The following DUSP15 variants were observed in gnomAD, a reference collection of about 807,000 sequenced individuals.
The protein encoded by DUSP15 is dual specificity phosphatase 15.
In DUSP15, 23 loss-of-function variants were observed where a neutral mutation model predicts 26.3. That is an observed-to-expected ratio of 0.87 (90% CI 0.63 to 1.24). DUSP15 has a LOEUF of 1.24. Ranked by LOEUF, DUSP15 falls within the 50% of genes most tolerant of loss-of-function variation. The pLI, the probability that DUSP15 is intolerant of heterozygous loss-of-function variation, is 0.00. For synonymous variants in DUSP15, 143 were observed against 135.5 expected, an observed-to-expected ratio of 1.06 and a Z score of -0.39; for missense variants, 364 against 320.6, an observed-to-expected ratio of 1.14 and a Z score of -1.03.
downstream of DUSP15, among the ~76,000 whole-genome samples, chr20:31,859,380 C>T (rs1039940253): frequency 2.0e-5 from 3 of 152,120 alleles, no homozygotes; most frequent in Admixed American, 6.5e-5. Context: ...TCAGATTGCT[C>T]CACTCCTTGC....
downstream of DUSP15, among the ~76,000 whole-genome samples, chr20:31,846,530 G>T (rs750039382): frequency 4.6e-5 from 7 of 151,522 alleles, no homozygotes; most frequent in Non-Finnish European, 1.0e-4. Context: ...AAGCCCCAGG[G>T]GCTTCTCTAA....
chr20:31,868,856 G>A (rs150765449), intron 2 of DUSP15, among the ~76,000 whole-genome samples: 1,587 of 152,306 alleles, frequency 0.01, 30 homozygotes, highest in Non-Finnish European at 0.014. Context: ...CACCAGCCTG[G>A]AAGCCCCTGA....
chr20:31,864,599 C>A, intron 4 of DUSP15: 1 of 394,976 alleles, frequency 2.5e-6, no homozygotes, highest in Non-Finnish European at 3.4e-6. Flanking sequence ...TGTTCAAGGT[C>A]ACACAGCAAG....
In DUSP15 at chr20:31,870,218, G is replaced by T; in HGVS notation, c.21+99C>A. ...GAGATGCCGCCGCACGGAGACCGGC[G>T]AGAACAGAAGGTCAGAGGCGGGCGG... On this transcript the variant is annotated intron_variant, in intron 1 of 6. Coordinates refer to ENST00000339738, the MANE Select transcript of DUSP15 (RefSeq NM_080611.5). This position sits in a 1 kb window ranked among gnomAD's most constrained non-coding sequence, Gnocchi z 6.6. 8.2e-7 allele frequency: 1 copy of T among 1,226,430 alleles called. No homozygotes were observed. Among genetic ancestry groups the T allele is most frequent in the South Asian group, 4.2e-5 (1 of 24,014 alleles). The allele number at this position is 1,226,430 out of a possible 1,614,324, so 76.0% of individuals were successfully genotyped here. A position where few individuals can be genotyped will look rare whatever the true frequency, so the allele number is the denominator to read the frequency against.
chr20:31,855,694 C>T (rs2062549639), intron 6 of DUSP15, among the ~76,000 whole-genome samples: 1 of 152,186 alleles, frequency 6.6e-6, no homozygotes, highest in Admixed American at 6.5e-5. Flanking sequence ...GGCCATGCAA[C>T]CACCCATTCA....
At position 31,863,938 on chromosome 20, in the gene DUSP15, G is replaced by C; in HGVS notation, c.232C>G (p.Arg78Gly). ...ACAAGGCAGTTCCCCCCATTAAGGC[G>C]GCAGCAGTGGATGAAGTTGATACAT... is the stretch of plus-strand genomic sequence containing the variant. The part of the protein sequence containing the change: ...KECINFIHCC[R>G]LNGGNCLVHC... Residue 78 changes from arginine (R) to glycine (G), a missense_variant, in exon 5 of 7, where the codon CGC (arginine) becomes GGC (glycine). Transcript: ENST00000339738. 1 of 1,613,930 alleles carries C rather than the reference G, an allele frequency of 6.2e-7. No homozygotes were observed. Among genetic ancestry groups the C allele is most frequent in the South Asian group, 1.1e-5 (1 of 91,076 alleles).
Position 31,861,659 on chromosome 20 carries a change from T to C in DUSP15, c.452A>G (p.Glu151Gly). 1.0e-6 allele frequency: 1 copy of C among 963,852 alleles called. No individual in the cohort carries two copies. The highest frequency in any genetic ancestry group is 1.4e-6 in the Non-Finnish European group (1 of 734,206). The allele number at this position is 963,852 out of a possible 1,614,324, so 59.7% of individuals were successfully genotyped here. The change falls in exon 7 of 7, where the codon GAG (glutamate) becomes GGG (glycine). Residue 151 changes from glutamate to glycine, a missense_variant. Glu to Gly is a moderately conservative substitution (Grantham distance 98). Coordinates refer to ENST00000339738, the MANE Select transcript of DUSP15 (RefSeq NM_080611.5). ...GAAGGGGCTCTCGCCGAAGCGCTCC[T>C]CCAGCTGCCGGCGAAGCTGGGGTGG... The part of the protein sequence containing the change: ...ASSQKLRRQL[E>G]ERFGESPFRD...
chr20:31,867,631 G>GTTTTTTTTTTTTGTT (rs2062797653), intron 2 of DUSP15, among the ~76,000 whole-genome samples: 10 of 77,646 alleles, frequency 1.3e-4, no homozygotes, highest in African/African-American at 4.4e-4. Context: ...TGCCCACAAT[G>GTTTTTTTTTTTTGTT]TTTTTTTTTT....
intron 8 of DUSP15, chr20:31,849,642 G>T: frequency 2.0e-6 from 3 of 1,513,100 alleles, no homozygotes; most frequent in Non-Finnish European, 2.7e-6. Flanking sequence ...TGGTGAACAC[G>T]CCCTCCGGAG....
At chr20:31,852,106 C>A (rs528225698) in intron 6 of DUSP15, among the ~76,000 whole-genome samples, 1 of 151,088 alleles carries the variant, frequency 6.6e-6, no homozygotes, top group East Asian at 2.0e-4. Flanking sequence ...CTCCTGGGTT[C>A]AAGTGATTCT....
exon 10 of DUSP15, chr20:31,848,053 C>CT (rs1301690319): frequency 4.6e-6 from 1 of 219,488 alleles, no homozygotes; most frequent in Non-Finnish European, 8.9e-6. Context: ...TTGGTAAAAA[C>CT]TTTAAGCAAA....
At chr20:31,849,579 G>C (rs1467171585) in intron 8 of DUSP15, 1 of 1,244,482 alleles carries the variant, frequency 8.0e-7, no homozygotes, top group Non-Finnish European at 1.2e-6. Flanking sequence ...TGGCAGGTGC[G>C]CCTGCGCTCC....
chr20:31,867,638 T>TAAGGATACAGAATAAGCTTCCAC (rs1555795801), intron 2 of DUSP15, among the ~76,000 whole-genome samples: 1 of 40,784 alleles, frequency 2.5e-5, no homozygotes, highest in Admixed American at 2.2e-4. Flanking sequence ...AATGTTTTTT[T>TAAGGATACAGAATAAGCTTCCAC]TTTTTTTTTT....
At chr20:31,864,921 G>C (rs1470996783) in intron 4 of DUSP15, 32 bp downstream of exon 4, 1 of 1,608,152 alleles carries the variant, frequency 6.2e-7, no homozygotes, top group Non-Finnish European at 8.5e-7. Flanking sequence ...GCAGCTGTCT[G>C]TCCATCTATG....
At chr20:31,867,247 T>A in intron 2 of DUSP15, 94 bp from the exon 3 acceptor site, 1 of 1,110,352 alleles carries the variant, frequency 9.0e-7, no homozygotes, top group Non-Finnish European at 1.3e-6. Context: ...GCTCTCCCTC[T>A]CACCCCACCA....
At position 31,861,394 on chromosome 20, in the gene DUSP15, A is replaced by C. The variant is rs760705192; in HGVS notation, c.*9T>G. ...GTCGGAAGTGGGGAGCCACGGCTGG[A>C]CTGCATCCTCACTTGCCGCCCTTGC... On this transcript the variant is annotated 3_prime_UTR_variant, in exon 7 of 7. Coordinates refer to ENST00000339738, the MANE Select transcript of DUSP15 (RefSeq NM_080611.5). 4.0e-5 allele frequency: 62 copies of C among 1,544,568 alleles called. No individual in the cohort carries two copies. Among genetic ancestry groups the C allele is most frequent in the Middle Eastern group, 1.7e-4 (1 of 5,844 alleles).
chr20:31,862,890 G>A (rs1352265986), intron 5 of DUSP15, 148 bp from the exon 6 acceptor site: 1 of 794,324 alleles, frequency 1.3e-6, no homozygotes, highest in African/African-American at 1.7e-5. Context: ...CCACCTCCAG[G>A]CCTTTGCCAT....
At chr20:31,862,018 C>G (rs1035073252) in intron 6 of DUSP15, among the ~76,000 whole-genome samples, 6 of 152,054 alleles carry the variant, frequency 3.9e-5, no homozygotes, top group Non-Finnish European at 8.8e-5. Context: ...CACCTCTGTG[C>G]TCACAACCCC....
intron 2 of DUSP15, among the ~76,000 whole-genome samples, chr20:31,869,143 G>A (rs374669467): frequency 4.6e-5 from 7 of 152,328 alleles, no homozygotes; most frequent in South Asian, 4.1e-4. Flanking sequence ...AGCAGCACCC[G>A]CAAACAGACC....
Sources: gnomAD v4.1 joint callset for allele counts (sites outside exome capture counted in the v4.1 genomes callset) on GRCh38, gnomAD v4.1.1 for gene constraint, Gnocchi (gnomAD v3.1) non-coding constraint, MANE v1.5 for transcripts, NCBI Gene and HGNC (gene_info 2026-07-23, HGNC 2026-07-21) for gene names.